Variants in CALN1 observed in about 807,000 individuals in gnomAD.
CALN1 encodes the protein calneuron 1, also known as calcium-binding protein 8.
A neutral mutation model predicts 30.6 loss-of-function variants in CALN1; 17 were observed. That is an observed-to-expected ratio of 0.56 (90% CI 0.38 to 0.83). The LOEUF is 0.83. CALN1 is among the 40% of genes least tolerant of loss of function. The pLI, the probability that CALN1 is intolerant of heterozygous loss-of-function variation, is 0.00. For synonymous variants in CALN1, 156 were observed against 131.4 expected (o/e 1.19, Z -1.28); for missense variants, 291 against 354.9 (o/e 0.82, Z 1.45).
chr7:72,314,409 A>G (rs1800289566), intron 2 of CALN1, among the ~76,000 whole-genome samples: 3 of 151,122 alleles, frequency 2.0e-5, no homozygotes, highest in Admixed American at 2.0e-4. Flanking sequence ...ATATATACAC[A>G]TATATATACA....
At chr7:71,844,827 C>T (rs989014468) in intron 5 of CALN1, among the ~76,000 whole-genome samples, 6 of 152,148 alleles carry the variant, frequency 3.9e-5, no homozygotes, top group African/African-American at 1.4e-4. Flanking sequence ...TTGGAAACAT[C>T]ACATGTTTTA....
chr7:72,305,803 A>G (rs1402108956), intron 2 of CALN1, among the ~76,000 whole-genome samples: 1 of 152,184 alleles, frequency 6.6e-6, no homozygotes, highest in Non-Finnish European at 1.5e-5. Context: ...TAAGATCAAG[A>G]GGTCAACATG....
intron 2 of CALN1, among the ~76,000 whole-genome samples, chr7:72,298,134 T>G (rs893689581): frequency 6.6e-6 from 1 of 152,218 alleles, no homozygotes; most frequent in Non-Finnish European, 1.5e-5. Flanking sequence ...CCTCAATCTT[T>G]GTTAAAATGT....
At chr7:72,388,294 C>T (rs1453493628) in intron 2 of CALN1, among the ~76,000 whole-genome samples, 1 of 152,104 alleles carries the variant, frequency 6.6e-6, no homozygotes, top group Admixed American at 6.5e-5. Context: ...GTCCTTTCAT[C>T]TTCCCAAGAG....
intron 5 of CALN1, among the ~76,000 whole-genome samples, chr7:71,869,953 C>A (rs6962065): frequency 1.2e-4 from 19 of 152,244 alleles, no homozygotes; most frequent in African/African-American, 4.3e-4. Context: ...ATTACCAAAA[C>A]CAAGACACCA....
chr7:72,033,756 G>C (rs145934119), intron 4 of CALN1, among the ~76,000 whole-genome samples: 4 of 152,228 alleles, frequency 2.6e-5, no homozygotes, highest in East Asian at 1.9e-4. Context: ...GCTCATCTTC[G>C]ATGCAGAGTC....
intron 4 of CALN1, among the ~76,000 whole-genome samples, chr7:72,030,314 G>A (rs763461606): frequency 6.6e-6 from 1 of 152,112 alleles, no homozygotes; most frequent in Non-Finnish European, 1.5e-5. Flanking sequence ...GCTGTCTCCC[G>A]ATATTTCTCA....
intron 5 of CALN1, among the ~76,000 whole-genome samples, chr7:71,969,960 G>A (rs1797715191): frequency 6.6e-6 from 1 of 152,008 alleles, no homozygotes. Flanking sequence ...AAGTAGCTGA[G>A]ACAACAGGCT....
intron 3 of CALN1, among the ~76,000 whole-genome samples, chr7:72,226,093 C>CAAA (rs35950469): frequency 1.3e-4 from 14 of 111,896 alleles, no homozygotes; most frequent in Non-Finnish European, 2.1e-4. Flanking sequence ...AGACTCCACC[C>CAAA]AAAAAAAAAA....
intron 2 of CALN1, among the ~76,000 whole-genome samples, chr7:72,313,613 G>C (rs2129556605): frequency 6.6e-6 from 1 of 152,146 alleles, no homozygotes; most frequent in Non-Finnish European, 1.5e-5. Flanking sequence ...CAGGCTGGTG[G>C]TCTCAAACTC....
chr7:72,188,897 C>A (rs1279370222), intron 3 of CALN1, among the ~76,000 whole-genome samples: 1 of 151,958 alleles, frequency 6.6e-6, no homozygotes, highest in African/African-American at 2.4e-5. Flanking sequence ...GAGAGGTATC[C>A]CCAGGCCCCA....
upstream of CALN1, among the ~76,000 whole-genome samples, chr7:72,413,684 TTCACAC>T (rs1807324029): frequency 6.6e-6 from 1 of 151,894 alleles, no homozygotes; most frequent in African/African-American, 2.4e-5. Flanking sequence ...CACATATACA[TTCACAC>T]TCACACTACA....
At chr7:72,182,837 A>G (rs909301584) in intron 3 of CALN1, among the ~76,000 whole-genome samples, 4 of 151,948 alleles carry the variant, frequency 2.6e-5, no homozygotes, top group Admixed American at 2.6e-4. Flanking sequence ...TAAAGGCACA[A>G]AGTTGTGACA....
chr7:72,103,034 C>G (rs1392235112), intron 4 of CALN1: 1 of 143,218 alleles, frequency 7.0e-6, no homozygotes, highest in Non-Finnish European at 1.5e-5. Flanking sequence ...GATTGTGCCA[C>G]TGCACTCCAG....
chr7:72,413,510 A>G (rs1355293281), upstream of CALN1, among the ~76,000 whole-genome samples: 1 of 151,528 alleles, frequency 6.6e-6, no homozygotes, highest in Non-Finnish European at 1.5e-5. Context: ...AAACTCACAC[A>G]TCAGATACAC....
chr7:72,397,292 G>A (rs546976401), intron 2 of CALN1, among the ~76,000 whole-genome samples: 6 of 152,320 alleles, frequency 3.9e-5, no homozygotes, highest in East Asian at 3.9e-4. Context: ...GGATGCCAGA[G>A]AGAGGCAGGT....
intron 3 of CALN1, among the ~76,000 whole-genome samples, chr7:72,233,783 A>C (rs1234504931): frequency 6.6e-6 from 1 of 152,094 alleles, no homozygotes; most frequent in Non-Finnish European, 1.5e-5. Context: ...GCAGGCGGAT[A>C]ATCTGAGGTC....
chr7:72,114,526 G>A, intron 3 of CALN1, among the ~76,000 whole-genome samples: 1 of 151,938 alleles, frequency 6.6e-6, no homozygotes, highest in East Asian at 2.0e-4. Context: ...GGGATAAAAT[G>A]ATGATCGCTG....
rs754208059 is a variant in CALN1 at position 72,359,095 on chromosome 7, G to A, written c.119+44156C>T. Among the ~76,000 whole-genome samples, 5 of 152,158 alleles carry A rather than the reference G, an allele frequency of 3.3e-5. No homozygotes were observed. The East Asian group carries it at 9.6e-4, about 29-fold the overall frequency. ...CCTGCCAAAGGCCAGGCCCTCCGCT[G>A]TGCTTCGTAGGATACTATTCCTCCC... On this transcript the variant is annotated intron_variant, in intron 2 of 6. Coordinates refer to ENST00000395275, the MANE Select transcript of CALN1 (RefSeq NM_031468.4).
Sources: gnomAD v4.1 joint callset for allele counts (sites outside exome capture counted in the v4.1 genomes callset) on GRCh38, gnomAD v4.1.1 for gene constraint, MANE v1.5 for transcripts, NCBI Gene and HGNC (gene_info 2026-07-23, HGNC 2026-07-21) for gene names.